Variants in PRPF8 observed in about 807,000 individuals in gnomAD.
PRPF8 encodes pre-mRNA-processing-splicing factor 8.
A neutral mutation model predicts 285.9 loss-of-function variants in PRPF8; 64 were observed. The observed-to-expected ratio is 0.22, with a 90% CI of 0.18 to 0.28. The LOEUF is 0.28. Among genes scored for constraint, PRPF8 ranks in the 10% least tolerant of loss-of-function variants. The pLI, the probability that PRPF8 is intolerant of heterozygous loss-of-function variation, is 1.00. For missense variants in PRPF8, 1,426 were observed against 3,026.7 expected, an observed-to-expected ratio of 0.47 and a Z score of 12.41; for synonymous variants, 1,325 against 1,118.2, an observed-to-expected ratio of 1.18 and a Z score of -3.69.
chr17:1,669,042 T>C (rs1055010660), intron 24 of PRPF8, among the ~76,000 whole-genome samples: 7 of 152,190 alleles, frequency 4.6e-5, no homozygotes, highest in Non-Finnish European at 8.8e-5. Flanking sequence ...GTTCAGAGGA[T>C]TTTTCCTCTG....
At chr17:1,652,032 C>T (rs1201557441) in intron 39 of PRPF8, 1 of 603,364 alleles carries the variant, frequency 1.7e-6, no homozygotes, top group East Asian at 2.8e-5. Context: ...CTCACAAGCT[C>T]CCCAGCTGAT....
In PRPF8 at chr17:1,661,016, G is replaced by A. The variant is rs1911655956; in HGVS notation, c.4485C>T (p.Phe1495=). The A allele has an allele frequency of 6.2e-7, 1 of 1,613,996 alleles. No homozygotes were observed. Among genetic ancestry groups the A allele is most frequent in the South Asian group, 1.1e-5 (1 of 91,076 alleles). ...ACCAGAAAAGCCCCTCCCAGGTAGG[G>A]AAGTAAGTGCCCTTAAAGAGTGTGT... ...LEHTLFKGTY[F]PTWEGLFWEK... is the part of the protein sequence containing the mutation. The change falls in exon 28 of 43, where the codon TTC becomes TTT. Residue 1495 remains phenylalanine, a synonymous_variant. Coordinates refer to ENST00000304992, the MANE Select transcript of PRPF8 (RefSeq NM_006445.4). The surrounding 1 kb of genome is among the most constrained non-coding windows in gnomAD (Gnocchi z 7.3).
At chr17:1,681,360 G>A (rs1912912551) in intron 6 of PRPF8, 118 bp downstream of exon 6, 23 of 1,184,222 alleles carry the variant, frequency 1.9e-5, no homozygotes, top group Non-Finnish European at 2.3e-5. Flanking sequence ...AGATTACAGC[G>A]TGAGCCACTG....
intron 3 of PRPF8, chr17:1,682,997 ATT>A (rs568405779): frequency 1.7e-3 from 272 of 158,342 alleles, no homozygotes; most frequent in South Asian, 8.3e-3. Flanking sequence ...CTTATTTTTC[ATT>A]TTTTTTTTTT....
intron 1 of PRPF8, 78 bp from the exon 2 acceptor site, chr17:1,684,660 G>A (rs1913143293): frequency 2.2e-6 from 3 of 1,363,136 alleles, no homozygotes; most frequent in Non-Finnish European, 3.1e-6. Flanking sequence ...GGCGTCCGGG[G>A]ACCCCGGCCT....
In PRPF8 at chr17:1,673,949, A is replaced by AC. The variant is rs1912467820; in HGVS notation, c.3300-58dup. The stretch of plus-strand genomic sequence containing the variant: ...CAGTACACTGAGATTTGGGACACCC[A>AC]CAAGTCCTCCAGCTCAATAGACGGA... On this transcript the variant is annotated intron_variant, in intron 21 of 42. Transcript: ENST00000304992. The surrounding 1 kb of genome is among the most constrained non-coding windows in gnomAD (Gnocchi z 5.5). 6.3e-7 allele frequency: 1 copy of AC among 1,599,574 alleles called. No individual in the cohort carries two copies. The highest frequency in any genetic ancestry group is 1.7e-5 in the Admixed American group (1 of 59,982).
chr17:1,656,717 T>C lies in PRPF8; in HGVS notation c.5550A>G (p.Arg1850=). 2.5e-6 allele frequency: 4 copies of C among 1,614,128 alleles called. No homozygotes were observed. The highest frequency in any genetic ancestry group is 3.4e-6 in the Non-Finnish European group (4 of 1,180,030). Residue 1850 remains arginine, a synonymous_variant, in exon 35 of 43, where the codon CGA becomes CGG. Transcript: ENST00000304992. ...KTAEEVAALI[R]SLPVEEQPKQ... is the part of the protein sequence containing the mutation. ...TGGGCTGCTCCTCCACAGGCAGAGA[T>C]CGGATCAGGGCGGCCACCTCCTCAG...
At chr17:1,657,722 G>GGAGGCA (rs71962917) in intron 34 of PRPF8, among the ~76,000 whole-genome samples, 4 of 149,448 alleles carry the variant, frequency 2.7e-5, no homozygotes, top group African/African-American at 5.0e-5. Context: ...GAGCACTTTG[G>GGAGGCA]GAGGCAGAGG....
rs1219885428 is a variant in PRPF8 at position 1,674,467 on chromosome 17, T to C, written c.3274A>G (p.Ile1092Val). The C allele has an allele frequency of 1.9e-6, 3 of 1,614,132 alleles. No homozygotes were observed. Among genetic ancestry groups the C allele is most frequent in the East Asian group, 2.2e-5 (1 of 44,878 alleles). ...CTGAAAAAAATATGGATGCGATCAA[T>C]GTATCTGCAGAAGAGACGGATGGGG... ...AHPIRLFCRY[I>V]DRIHIFFRFT... The change falls in exon 21 of 43, where the codon ATT becomes GTT. Residue 1092 changes from isoleucine (I) to valine (V), a missense_variant. This residue lies in a region of PRPF8 where 148 missense variants were observed against 196.2 expected (regional missense o/e 0.75). Coordinates refer to ENST00000304992, the MANE Select transcript of PRPF8 (RefSeq NM_006445.4).
rs771981727 is a variant in PRPF8, at chr17:1,650,760, G to C, written c.*42C>G. 1.9e-6 allele frequency: 3 copies of C among 1,611,798 alleles called. No individual in the cohort carries two copies. In the South Asian group the frequency reaches 3.3e-5, roughly 18 times the overall value. ...TCAGCGGCCTGTCTGGAGGGGCTGA[G>C]GCTTCGGCCTCGGGAGGCTGAAGCA... On this transcript the variant is annotated 3_prime_UTR_variant, in exon 43 of 43. Coordinates refer to ENST00000304992, the MANE Select transcript of PRPF8 (RefSeq NM_006445.4).
Position 1,675,131 on chromosome 17 carries a change from G to C in PRPF8, c.3060+21C>G. The C allele has an allele frequency of 6.2e-7, 1 of 1,612,492 alleles. No individual in the cohort carries two copies. Among genetic ancestry groups the C allele is most frequent in the Non-Finnish European group, 8.5e-7 (1 of 1,179,954 alleles). On this transcript the variant is annotated intron_variant, in intron 20 of 42. Coordinates refer to ENST00000304992, the MANE Select transcript of PRPF8 (RefSeq NM_006445.4). The surrounding 1 kb of genome is among the most constrained non-coding windows in gnomAD (Gnocchi z 6.0). ...ACAAGCACTCCACACACAATTCCAT[G>C]CTACTGCGCCTGAGACGCACCTTAT...
rs970795981 is a variant in PRPF8, at chr17:1,668,354, CTTTTTTTT to C, written c.3774+4719_3774+4726del. ...CAGTATCTCAATGGGGTCTAGCATTCTTTTTTTTTTTTTTTTTTTTTTTTTGAGACAGA... is the reference window on the plus strand; with the variant it reads ...CAGTATCTCAATGGGGTCTAGCATTCTTTTTTTTTTTTTTTTTGAGACAGA... On this transcript the variant is annotated intron_variant, in intron 24 of 42. Coordinates refer to ENST00000304992, the MANE Select transcript of PRPF8 (RefSeq NM_006445.4). Among the ~76,000 whole-genome samples the C allele has an allele frequency of 6.6e-5, 7 of 105,588 alleles. No homozygotes were observed. The East Asian group carries it at 1.1e-3, about 17-fold the overall frequency. 69.3% of individuals were successfully genotyped at this position (105,588 alleles called of 152,430 possible).
At position 1,673,668 on chromosome 17, in the gene PRPF8, G is replaced by C; in HGVS notation, c.3446+78C>G. The C allele has an allele frequency of 6.2e-7, 1 of 1,611,682 alleles. No individual in the cohort carries two copies. The highest frequency in any genetic ancestry group is 8.5e-7 in the Non-Finnish European group (1 of 1,179,020). ...GACACAGCCACGCCTCTCCCACCCA[G>C]GACGCAGCCTCAGGTATGCCCTCTC... On this transcript the variant is annotated intron_variant, in intron 22 of 42. Coordinates refer to ENST00000304992, the MANE Select transcript of PRPF8 (RefSeq NM_006445.4). This position sits in a 1 kb window ranked among gnomAD's most constrained non-coding sequence, Gnocchi z 5.5.
In PRPF8 at chr17:1,675,169, C is replaced by T. The variant is rs773877277; in HGVS notation, c.3043G>A (p.Val1015Ile). ...AGACGCACCTTATAGTTGATGACGACGTTGTTCTTGGCTGTCATGTAGTCG... is the reference window on the plus strand; with the variant it reads ...AGACGCACCTTATAGTTGATGACGATGTTGTTCTTGGCTGTCATGTAGTCG... ...IADYMTAKNN[V>I]VINYKDMNHT... The change falls in exon 20 of 43, where the codon GTC becomes ATC. Residue 1015 changes from valine to isoleucine, a missense_variant. Val to Ile is a conservative substitution (Grantham distance 29). This residue lies in a region of PRPF8 where 32 missense variants were observed against 89.2 expected (regional missense o/e 0.36). Coordinates refer to ENST00000304992, the MANE Select transcript of PRPF8 (RefSeq NM_006445.4). This position sits in a 1 kb window ranked among gnomAD's most constrained non-coding sequence, Gnocchi z 6.0. The T allele has an allele frequency of 1.5e-5, 24 of 1,613,750 alleles. No homozygotes were observed. Among genetic ancestry groups the T allele is most frequent in the East Asian group, 2.2e-5 (1 of 44,890 alleles).
rs1373722577 is a variant in PRPF8, at chr17:1,662,652, A to G, written c.3775-499T>C. ...TGTGGTGGCTCACGCCTGTCATGCC[A>G]GCACTTTGGGAGGCCGAGGTGGGTG... On this transcript the variant is annotated intron_variant, in intron 24 of 42. Coordinates refer to ENST00000304992, the MANE Select transcript of PRPF8 (RefSeq NM_006445.4). Among the ~76,000 whole-genome samples, 5 of 151,584 alleles carry G rather than the reference A, an allele frequency of 3.3e-5. No individual in the cohort carries two copies. The South Asian group carries it at 6.3e-4, about 19-fold the overall frequency.
Position 1,656,432 on chromosome 17 carries a change from T to C in PRPF8, c.5753A>G (p.Asn1918Ser). Residue 1918 changes from asparagine to serine, a missense_variant, in exon 36 of 43, where the codon AAC becomes AGC. Asn to Ser is a conservative substitution (Grantham distance 46). This residue lies in a region of PRPF8 where 29 missense variants were observed against 86.4 expected (regional missense o/e 0.34). Transcript: ENST00000304992. The part of the protein sequence containing the change: ...KATEPQMVLF[N>S]LYDDWLKTIS... ...AGTCTTGAGCCAGTCGTCATAGAGG[T>C]TGAAGAGAACCATCTGGGGCTCAGT... is the stretch of plus-strand genomic sequence containing the variant. 1 of 1,614,104 alleles carries C rather than the reference T, an allele frequency of 6.2e-7. No individual in the cohort carries two copies. The highest frequency in any genetic ancestry group is 8.5e-7 in the Non-Finnish European group (1 of 1,180,014).
Position 1,659,006 on chromosome 17 carries a change from GATT to G in PRPF8, c.5139-246_5139-244del. ...GTATGGAGCTAATGGAAAATACACG[GATT>G]ATTTATTTATTTATTATTATTATTA... On this transcript the variant is annotated intron_variant, in intron 32 of 42. Coordinates refer to ENST00000304992, the MANE Select transcript of PRPF8 (RefSeq NM_006445.4). This position sits in a 1 kb window ranked among gnomAD's most constrained non-coding sequence, Gnocchi z 5.1. The G allele has an allele frequency of 5.0e-6, 3 of 597,424 alleles. No individual in the cohort carries two copies. The highest frequency in any genetic ancestry group is 8.8e-6 in the Non-Finnish European group (3 of 339,370). The allele number at this position is 597,424 out of a possible 1,614,324, so 37.0% of individuals were successfully genotyped here.
At position 1,676,144 on chromosome 17, in the gene PRPF8, T is replaced by G. The variant is rs924395757; in HGVS notation, c.2552+63A>C. 1 of 1,612,040 alleles carries G rather than the reference T, an allele frequency of 6.2e-7. No individual in the cohort carries two copies. Among genetic ancestry groups the G allele is most frequent in the Non-Finnish European group, 8.5e-7 (1 of 1,179,752 alleles). On this transcript the variant is annotated intron_variant, in intron 17 of 42. Coordinates refer to ENST00000304992, the MANE Select transcript of PRPF8 (RefSeq NM_006445.4). The surrounding 1 kb of genome is among the most constrained non-coding windows in gnomAD (Gnocchi z 6.3). The stretch of plus-strand genomic sequence containing the variant: ...GGCTACACCTTCTTTCTTTGGACTC[T>G]GAGGATGACGCCATTCCCTGCTGTC...
chr17:1,667,538 C>CTTTTT (rs34888623), intron 24 of PRPF8, among the ~76,000 whole-genome samples: 54 of 102,024 alleles, frequency 5.3e-4, no homozygotes, highest in East Asian at 8.3e-4. Context: ...CATGACATAG[C>CTTTTT]TTTTTTTTTT....
Sources: gnomAD v4.1 joint callset for allele counts (sites outside exome capture counted in the v4.1 genomes callset) on GRCh38, gnomAD v4.1.1 for gene constraint, gnomAD v4.1.1 regional missense constraint, Gnocchi (gnomAD v3.1) non-coding constraint, MANE v1.5 for transcripts, NCBI Gene and HGNC (gene_info 2026-07-23, HGNC 2026-07-21) for gene names.